Variants in CBFB observed in about 807,000 individuals in gnomAD.
CBFB encodes the protein CBF-beta.
A neutral mutation model predicts 30.4 loss-of-function variants in CBFB; 9 were observed. That is an observed-to-expected ratio of 0.30 (90% confidence interval 0.18 to 0.52). The LOEUF (loss-of-function observed/expected upper bound fraction) is 0.52, where lower values mean the gene tolerates loss of function less well. Ranked by LOEUF, CBFB falls within the 20% of genes least tolerant of loss-of-function variation. The pLI, the probability that CBFB is intolerant of heterozygous loss-of-function variation, is 0.97. For missense variants in CBFB, 170 were observed against 244.0 expected, an observed-to-expected ratio of 0.70 and a Z score of 2.02; for synonymous variants, 94 against 84.0, an observed-to-expected ratio of 1.12 and a Z score of -0.65.
chr16:67,052,349 T>A (rs1960579368), intron 3 of CBFB, among the ~76,000 whole-genome samples: 1 of 152,136 alleles, frequency 6.6e-6, no homozygotes, highest in African/African-American at 2.4e-5. Flanking sequence ...GTGGGAAGAT[T>A]GCATGAAGCC....
chr16:67,092,640 A>G (rs972283103), intron 5 of CBFB, among the ~76,000 whole-genome samples: 1 of 68,892 alleles, frequency 1.5e-5, no homozygotes, highest in Non-Finnish European at 3.1e-5. Context: ...ATTTTATTTT[A>G]TTTTTTTTAG....
chr16:67,058,756 G>T (rs1243235635), intron 3 of CBFB, among the ~76,000 whole-genome samples: 1 of 152,214 alleles, frequency 6.6e-6, no homozygotes, highest in Non-Finnish European at 1.5e-5. Flanking sequence ...AGTAATGAAT[G>T]ATCACACCCT....
chr16:67,096,433 C>T (rs1334271315), intron 5 of CBFB, among the ~76,000 whole-genome samples: 1 of 151,576 alleles, frequency 6.6e-6, no homozygotes, highest in African/African-American at 2.4e-5. Flanking sequence ...TATAGAATAA[C>T]CACATATTAG....
chr16:67,080,924 A>G (rs927709609), intron 4 of CBFB, among the ~76,000 whole-genome samples: 4 of 152,146 alleles, frequency 2.6e-5, no homozygotes, highest in African/African-American at 4.8e-5. Context: ...TATGTTTCCA[A>G]GGTGTGGCAT....
chr16:67,076,627 G>A (rs188999188), intron 4 of CBFB, among the ~76,000 whole-genome samples: 1 of 152,288 alleles, frequency 6.6e-6, no homozygotes, highest in Admixed American at 6.5e-5. Flanking sequence ...GGGTAGAGCA[G>A]CACAGAAACT....
intron 1 of CBFB, 100 bp from the exon 2 acceptor site, chr16:67,029,627 C>A: frequency 7.5e-7 from 1 of 1,332,960 alleles, no homozygotes; most frequent in Non-Finnish European, 1.0e-6. Flanking sequence ...GGCCATCGCC[C>A]GCAGCCTCTG....
At chr16:67,053,118 TTTTC>T (rs1960607330) in intron 3 of CBFB, among the ~76,000 whole-genome samples, 1 of 152,108 alleles carries the variant, frequency 6.6e-6, no homozygotes. Flanking sequence ...GTTCCCTTAC[TTTTC>T]TTTGTCATTT....
chr16:67,083,809 C>A (rs1416262902), intron 5 of CBFB, among the ~76,000 whole-genome samples: 1 of 151,762 alleles, frequency 6.6e-6, no homozygotes, highest in East Asian at 1.9e-4. Flanking sequence ...TTAAACAGAC[C>A]TCAATTATAA....
At chr16:67,048,770 G>T (rs1966677682) in intron 3 of CBFB, among the ~76,000 whole-genome samples, 1 of 147,534 alleles carries the variant, frequency 6.8e-6, no homozygotes, top group African/African-American at 2.5e-5. Flanking sequence ...AGCCAGGATG[G>T]TCTCGATCTC....
Position 67,029,590 on chromosome 16 carries a change from C to T in CBFB, c.78+105C>T, listed in dbSNP as rs543756253. 5.2e-6 allele frequency: 7 copies of T among 1,336,792 alleles called. No homozygotes were observed. In the Admixed American group the frequency reaches 9.8e-5, roughly 19 times the overall value. The allele number at this position is 1,336,792 out of a possible 1,614,324, so 82.8% of individuals were successfully genotyped here. A position where few individuals can be genotyped will look rare whatever the true frequency, so the allele number is the denominator to read the frequency against. On this transcript the variant is annotated intron_variant, in intron 1 of 5. Coordinates refer to ENST00000412916, the MANE Select transcript of CBFB (RefSeq NM_022845.3). ...GTCCCCGGGAGTCCCGGTCGGTGCGCCCGCGGAGGGGCAATCTCGCCGGGG... is the reference window on the plus strand; with the variant it reads ...GTCCCCGGGAGTCCCGGTCGGTGCGTCCGCGGAGGGGCAATCTCGCCGGGG...
intron 5 of CBFB, among the ~76,000 whole-genome samples, chr16:67,088,092 A>G (rs1411088263): frequency 1.3e-5 from 2 of 152,212 alleles, no homozygotes; most frequent in African/African-American, 4.8e-5. Context: ...CCCTTATGGC[A>G]GTAATTTAAA....
At chr16:67,033,543 C>G (rs1250769255) in intron 2 of CBFB, among the ~76,000 whole-genome samples, 1 of 151,498 alleles carries the variant, frequency 6.6e-6, no homozygotes, top group Non-Finnish European at 1.5e-5. Flanking sequence ...TGGTCTCCAA[C>G]TGCTGGCCTC....
intron 5 of CBFB, among the ~76,000 whole-genome samples, chr16:67,091,774 AG>A (rs1961888893): frequency 6.6e-6 from 1 of 152,152 alleles, no homozygotes; most frequent in South Asian, 2.1e-4. Context: ...ATACATGCGC[AG>A]AATGTGCAGG....
chr16:67,053,008 CAAAAAAA>C (rs574234817), intron 3 of CBFB, among the ~76,000 whole-genome samples: 1 of 121,924 alleles, frequency 8.2e-6, no homozygotes, highest in Non-Finnish European at 1.7e-5. Flanking sequence ...GATGCTATCT[CAAAAAAA>C]AAAAAAAGAA....
intron 5 of CBFB, 118 bp from the exon 6 acceptor site, chr16:67,098,592 G>T: frequency 9.9e-6 from 6 of 603,158 alleles, no homozygotes; most frequent in Admixed American, 2.5e-5. Flanking sequence ...TGACTATATT[G>T]GCTGAAAACT....
intron 3 of CBFB, among the ~76,000 whole-genome samples, chr16:67,064,622 A>G (rs1357229052): frequency 6.6e-6 from 1 of 152,086 alleles, no homozygotes; most frequent in African/African-American, 2.4e-5. Context: ...TAAAATATTC[A>G]CCTCAGGATG....
chr16:67,058,864 A>G (rs982893690), intron 3 of CBFB, among the ~76,000 whole-genome samples: 2 of 152,208 alleles, frequency 1.3e-5, no homozygotes, highest in African/African-American at 2.4e-5. Context: ...TTCCAATCGA[A>G]AGGGATTTTT....
chr16:67,080,377 C>G (rs1194777976), intron 4 of CBFB, among the ~76,000 whole-genome samples: 3 of 151,618 alleles, frequency 2.0e-5, no homozygotes, highest in Non-Finnish European at 4.4e-5. Context: ...ACTGAAGATT[C>G]CAAAAATATA....
intron 3 of CBFB, among the ~76,000 whole-genome samples, chr16:67,064,350 G>A (rs1222385663): frequency 6.6e-6 from 1 of 152,086 alleles, no homozygotes; most frequent in Admixed American, 6.6e-5. Flanking sequence ...GGGATTACAG[G>A]CACCCGCCAC....
Sources: gnomAD v4.1 joint callset for allele counts (sites outside exome capture counted in the v4.1 genomes callset) on GRCh38, gnomAD v4.1.1 for gene constraint, MANE v1.5 for transcripts, NCBI Gene and HGNC (gene_info 2026-07-23, HGNC 2026-07-21) for gene names.